PLPPR4: variants seen among roughly 807,000 people sequenced by gnomAD.
The protein encoded by PLPPR4 is phospholipid phosphatase related 4, also known as phospholipid phosphatase-related protein type 4.
In PLPPR4, 24 loss-of-function variants were observed where a neutral mutation model predicts 56.6. That is an observed-to-expected ratio of 0.42 (90% confidence interval 0.31 to 0.60). The LOEUF (loss-of-function observed/expected upper bound fraction) is 0.60. Among genes scored for constraint, PLPPR4 ranks in the 20% least tolerant of loss-of-function variants. The pLI, the probability that PLPPR4 is intolerant of heterozygous loss-of-function variation, is 0.13. For missense variants in PLPPR4, 654 were observed against 885.8 expected, an observed-to-expected ratio of 0.74 and a Z score of 3.32; for synonymous variants, 326 against 328.1, an observed-to-expected ratio of 0.99 and a Z score of 0.07.
chr1:99,263,170 G>A (rs1312146947), upstream of PLPPR4, among the ~76,000 whole-genome samples: 1 of 152,170 alleles, frequency 6.6e-6, no homozygotes, highest in Non-Finnish European at 1.5e-5. Context: ...TGGAGTTTGT[G>A]GTCATGAGTT....
In PLPPR4 at chr1:99,306,970, T is replaced by C; in HGVS notation, c.2108T>C (p.Phe703Ser). The change falls in exon 7 of 7, where the codon TTC becomes TCC. Residue 703 changes from phenylalanine (F) to serine (S), a missense_variant. Phe to Ser is a radical substitution (Grantham distance 155). Coordinates refer to ENST00000370185, the MANE Select transcript of PLPPR4 (RefSeq NM_014839.5). This position sits in a 1 kb window ranked among gnomAD's most constrained non-coding sequence, Gnocchi z 4.0. ...AGCCCCGAAAACACTAGAAATATCTTCTACAAAGGAACCTCCCCCACACGG... is the reference window on the plus strand; with the variant it reads ...AGCCCCGAAAACACTAGAAATATCTCCTACAAAGGAACCTCCCCCACACGG... ...SNSPENTRNI[F>S]YKGTSPTRAY... The C allele has an allele frequency of 6.2e-7, 1 of 1,610,700 alleles. No individual in the cohort carries two copies. Among genetic ancestry groups the C allele is most frequent in the Non-Finnish European group, 8.5e-7 (1 of 1,179,632 alleles).
chr1:99,287,670 T>A (rs369691457), intron 1 of PLPPR4, among the ~76,000 whole-genome samples: 1 of 152,098 alleles, frequency 6.6e-6, no homozygotes. Context: ...ATCTGAAATA[T>A]TTCTACAAGA....
chr1:99,289,569 A>G (rs1385414121), intron 2 of PLPPR4, among the ~76,000 whole-genome samples: 1 of 152,112 alleles, frequency 6.6e-6, no homozygotes, highest in Non-Finnish European at 1.5e-5. Flanking sequence ...GACTAATAAA[A>G]CATTCTTGGA....
At chr1:99,266,874 C>T (rs1377527297) in intron 1 of PLPPR4, among the ~76,000 whole-genome samples, 1 of 152,230 alleles carries the variant, frequency 6.6e-6, no homozygotes, top group East Asian at 1.9e-4. Context: ...TGAAATGACT[C>T]ATTTTGAAGC....
At chr1:99,267,975 T>C (rs898563006) in intron 1 of PLPPR4, among the ~76,000 whole-genome samples, 11 of 152,022 alleles carry the variant, frequency 7.2e-5, no homozygotes, top group African/African-American at 2.2e-4. Flanking sequence ...TTATTATCTG[T>C]GTTTTGAAGA....
At chr1:99,276,080 A>C (rs548149246) in intron 1 of PLPPR4, among the ~76,000 whole-genome samples, 1 of 152,304 alleles carries the variant, frequency 6.6e-6, no homozygotes, top group East Asian at 1.9e-4. Flanking sequence ...GCTCAACTTC[A>C]ATATCTCTTT....
intron 1 of PLPPR4, among the ~76,000 whole-genome samples, chr1:99,276,178 A>G (rs1041686457): frequency 1.3e-5 from 2 of 152,252 alleles, no homozygotes; most frequent in Middle Eastern, 3.4e-3. Flanking sequence ...AAGGGCTCAT[A>G]ATGGGCATCT....
chr1:99,264,364 C>G, upstream of PLPPR4: 1 of 1,168,144 alleles, frequency 8.6e-7, no homozygotes, highest in Non-Finnish European at 1.2e-6. Context: ...GGAGCAGGAG[C>G]CAGACTAGGG....
Position 99,305,667 on chromosome 1 carries a change from C to A in PLPPR4, c.823-18C>A. 1 of 1,597,452 alleles carries A rather than the reference C, an allele frequency of 6.3e-7. No homozygotes were observed. Among genetic ancestry groups the A allele is most frequent in the Non-Finnish European group, 8.5e-7 (1 of 1,172,726 alleles). On this transcript the variant is annotated intron_variant, in intron 6 of 6. Coordinates refer to ENST00000370185, the MANE Select transcript of PLPPR4 (RefSeq NM_014839.5). Reference sequence around the variant, plus strand: ...GTCTTCTAGTGCATGATATTTATTGCTTTCTCTCAAACACTAGGGCTTGTA... The same window carrying A: ...GTCTTCTAGTGCATGATATTTATTGATTTCTCTCAAACACTAGGGCTTGTA...
chr1:99,287,798 G>C (rs149066135), intron 1 of PLPPR4, among the ~76,000 whole-genome samples, 167 bp from the exon 2 acceptor site: 1 of 152,048 alleles, frequency 6.6e-6, no homozygotes. Flanking sequence ...GACTAAGGGG[G>C]GTGAATTGGA....
intron 2 of PLPPR4, among the ~76,000 whole-genome samples, chr1:99,296,395 C>T (rs1168736834): frequency 6.6e-6 from 1 of 152,114 alleles, no homozygotes; most frequent in Non-Finnish European, 1.5e-5. Flanking sequence ...TATGGGACAG[C>T]TATGCTATAG....
At position 99,306,996 on chromosome 1, in the gene PLPPR4, G is replaced by C. The variant is rs752320821; in HGVS notation, c.2134G>C (p.Ala712Pro). The C allele has an allele frequency of 6.9e-6, 11 of 1,598,680 alleles. No homozygotes were observed. The highest frequency in any genetic ancestry group is 9.4e-6 in the Non-Finnish European group (11 of 1,176,202). The change falls in exon 7 of 7, where the codon GCT becomes CCT. Residue 712 changes from alanine (A) to proline (P), a missense_variant. Ala to Pro is a conservative substitution (Grantham distance 27, BLOSUM62 -1). Around this residue, in one of 2 missense-constraint regions of PLPPR4, gnomAD observed 468 missense variants for 554.3 expected, o/e 0.84. Transcript: ENST00000370185. This position sits in a 1 kb window ranked among gnomAD's most constrained non-coding sequence, Gnocchi z 4.0. The stretch of plus-strand genomic sequence containing the variant: ...CTACAAAGGAACCTCCCCCACACGG[G>C]CTTATAAGGATTGAGTGATGTCCAT... ...IFYKGTSPTR[A>P]YKD
At chr1:99,283,893 AG>A (rs987079606) in intron 1 of PLPPR4, among the ~76,000 whole-genome samples, 10 of 152,132 alleles carry the variant, frequency 6.6e-5, no homozygotes, top group Admixed American at 1.3e-4. Flanking sequence ...TGGAGGTTGT[AG>A]GGGGCCGAAA....
At chr1:99,268,564 C>G (rs1041673106) in intron 1 of PLPPR4, among the ~76,000 whole-genome samples, 3 of 152,170 alleles carry the variant, frequency 2.0e-5, no homozygotes, top group African/African-American at 7.2e-5. Context: ...TTTTTTCTTA[C>G]ATTTTTGGTT....
chr1:99,281,225 C>T (rs1263111163), intron 1 of PLPPR4, among the ~76,000 whole-genome samples: 2 of 152,148 alleles, frequency 1.3e-5, no homozygotes, highest in Non-Finnish European at 2.9e-5. Context: ...ATCCCAAAAG[C>T]TGGCAGAATA....
chr1:99,284,772 C>T (rs1659420121), intron 1 of PLPPR4, among the ~76,000 whole-genome samples: 1 of 151,996 alleles, frequency 6.6e-6, no homozygotes, highest in Non-Finnish European at 1.5e-5. Context: ...TACTTTAATT[C>T]ATATGTTAAT....
chr1:99,283,672 T>C (rs549829371), intron 1 of PLPPR4, among the ~76,000 whole-genome samples: 8 of 152,308 alleles, frequency 5.3e-5, no homozygotes, highest in South Asian at 2.1e-4. Flanking sequence ...TCGGTTTGGC[T>C]GGGCGCGGTG....
At chr1:99,289,396 T>G (rs1395179252) in intron 2 of PLPPR4, among the ~76,000 whole-genome samples, 1 of 152,138 alleles carries the variant, frequency 6.6e-6, no homozygotes, top group African/African-American at 2.4e-5. Context: ...AAATACATAG[T>G]GTATAAAATA....
intron 2 of PLPPR4, among the ~76,000 whole-genome samples, chr1:99,289,633 C>CA (rs1201262205): frequency 5.9e-5 from 9 of 151,792 alleles, no homozygotes; most frequent in African/African-American, 7.3e-5. Flanking sequence ...GAAGTTTTAA[C>CA]AAAAAATTCA....
Sources: gnomAD v4.1 joint callset for allele counts (sites outside exome capture counted in the v4.1 genomes callset) on GRCh38, gnomAD v4.1.1 for gene constraint, gnomAD v4.1.1 regional missense constraint, Gnocchi (gnomAD v3.1) non-coding constraint, MANE v1.5 for transcripts, NCBI Gene and HGNC (gene_info 2026-07-23, HGNC 2026-07-21) for gene names.